SLC14A2: variants seen among roughly 807,000 people sequenced by gnomAD.
SLC14A2 encodes the protein solute carrier family 14 member 2.
Under a neutral mutation model 104.6 loss-of-function variants are expected in SLC14A2, and 91 were observed. The ratio of observed to expected loss-of-function variants is 0.87; its 90% confidence interval spans 0.73 to 1.04. The LOEUF is 1.04. SLC14A2 is among the 50% of genes least tolerant of loss of function. The pLI, the probability that SLC14A2 is intolerant of heterozygous loss-of-function variation, is 0.00. For missense variants in SLC14A2, 1,189 were observed against 1,156.0 expected, an observed-to-expected ratio of 1.03 and a Z score of -0.41; for synonymous variants, 476 against 466.4, an observed-to-expected ratio of 1.02 and a Z score of -0.27.
chr18:45,632,422 G>A lies in SLC14A2; in HGVS notation c.594G>A (p.Glu198=), dbSNP rs143328575. The change falls in exon 5 of 20, where the codon GAG becomes GAA. Residue 198 remains glutamate (E), a synonymous_variant. Transcript: ENST00000255226. Reference sequence around the variant, plus strand: ...GACTGCTGATGGCCGTGTTCTCGGAGAAGTTAGACTACTACTGGTGGCTTC... The same window carrying A: ...GACTGCTGATGGCCGTGTTCTCGGAAAAGTTAGACTACTACTGGTGGCTTC... The part of the protein sequence containing the change: ...LVGLLMAVFS[E]KLDYYWWLLF... 19 of 1,614,004 alleles carry A rather than the reference G, an allele frequency of 1.2e-5. No individual in the cohort carries two copies. Among genetic ancestry groups the A allele is most frequent in the Non-Finnish European group, 1.6e-5 (19 of 1,180,014 alleles).
chr18:45,236,266 CATGT>C, intron 1 of SLC14A2, among the ~76,000 whole-genome samples: 1 of 26,530 alleles, frequency 3.8e-5, no homozygotes, highest in East Asian at 9.2e-4. Flanking sequence ...TGTATATATA[CATGT>C]ATGTGTGTAT....
chr18:45,671,011 G>T (rs2046124426), intron 16 of SLC14A2, among the ~76,000 whole-genome samples: 2 of 152,220 alleles, frequency 1.3e-5, no homozygotes, highest in Middle Eastern at 3.4e-3. Context: ...TGTGTGTGAG[G>T]ACCTTCTTGG....
chr18:45,227,454 G>A (rs34336294), intron 1 of SLC14A2, among the ~76,000 whole-genome samples: 183 of 152,318 alleles, frequency 1.2e-3, no homozygotes, highest in Admixed American at 1.8e-3. Flanking sequence ...CAAGATCAAG[G>A]CACCAGCATT....
At chr18:45,295,366 C>T (rs2084909194) in intron 1 of SLC14A2, among the ~76,000 whole-genome samples, 1 of 151,864 alleles carries the variant, frequency 6.6e-6, no homozygotes, top group Non-Finnish European at 1.5e-5. Context: ...TCCTCTAAGT[C>T]CCTGGACCCT....
intron 1 of SLC14A2, among the ~76,000 whole-genome samples, chr18:45,336,438 G>C (rs1056469348): frequency 6.6e-6 from 1 of 151,926 alleles, no homozygotes; most frequent in Non-Finnish European, 1.5e-5. Context: ...AGGTGATCTC[G>C]GAGGGCCCTT....
intron 10 of SLC14A2, 51 bp downstream of exon 10, chr18:45,644,211 T>TCTCC: frequency 6.4e-7 from 1 of 1,574,532 alleles, no homozygotes; most frequent in Non-Finnish European, 8.7e-7. Context: ...CCTGATGTCC[T>TCTCC]CTCCCTGTGT....
intron 1 of SLC14A2, among the ~76,000 whole-genome samples, chr18:45,462,887 T>C (rs886634610): frequency 1.3e-5 from 2 of 152,246 alleles, no homozygotes; most frequent in African/African-American, 2.4e-5. Flanking sequence ...AAACTGCTTG[T>C]CACCTGCTAA....
Position 45,682,664 on chromosome 18 carries a change from T to C in SLC14A2, c.*145T>C. The C allele has an allele frequency of 3.0e-6, 2 of 662,936 alleles. No individual in the cohort carries two copies. Among genetic ancestry groups the C allele is most frequent in the African/African-American group, 3.6e-5 (2 of 55,464 alleles). The allele number at this position is 662,936 out of a possible 1,614,324, so 41.1% of individuals were successfully genotyped here. On this transcript the variant is annotated 3_prime_UTR_variant, in exon 20 of 20. Transcript: ENST00000255226. The stretch of plus-strand genomic sequence containing the variant: ...AAAGAAGCGTGTATGTAGTCACCAT[T>C]CCAGAACCTCTCTTTTCTAAGATGC...
At chr18:45,511,630 C>G (rs1368744849) in intron 2 of SLC14A2, among the ~76,000 whole-genome samples, 1 of 152,120 alleles carries the variant, frequency 6.6e-6, no homozygotes, top group Admixed American at 6.6e-5. Context: ...AGTGCCATAA[C>G]CAGGAAAAGC....
At chr18:45,358,855 G>A (rs2085581903) in intron 1 of SLC14A2, among the ~76,000 whole-genome samples, 1 of 152,102 alleles carries the variant, frequency 6.6e-6, no homozygotes, top group Non-Finnish European at 1.5e-5. Flanking sequence ...TGGGATTACA[G>A]GCATGAGACA....
chr18:45,346,582 T>A (rs1339743972), intron 1 of SLC14A2, among the ~76,000 whole-genome samples: 4 of 152,224 alleles, frequency 2.6e-5, no homozygotes, highest in African/African-American at 9.6e-5. Context: ...TTTAGTGGCA[T>A]CTTCTGATAA....
At chr18:45,577,026 T>C (rs1169732574) in intron 2 of SLC14A2, among the ~76,000 whole-genome samples, 1 of 152,106 alleles carries the variant, frequency 6.6e-6, no homozygotes, top group Non-Finnish European at 1.5e-5. Context: ...GTACAGGGCC[T>C]TGGGGTGATT....
At chr18:45,209,418 T>C (rs1227329405), upstream of SLC14A2, among the ~76,000 whole-genome samples, 1 of 152,072 alleles carries the variant, frequency 6.6e-6, no homozygotes, top group Non-Finnish European at 1.5e-5. Flanking sequence ...TAAAATCAGG[T>C]TTTAAAAATT....
At chr18:45,199,757 C>A in the SLC14A2 span, among the ~76,000 whole-genome samples, 1 of 152,164 alleles carries the variant, frequency 6.6e-6, no homozygotes, top group Non-Finnish European at 1.5e-5. Context: ...ATATTAGCAG[C>A]TAAGCTGAAG....
chr18:45,369,656 A>G (rs113541144), intron 1 of SLC14A2, among the ~76,000 whole-genome samples: 3 of 152,322 alleles, frequency 2.0e-5, no homozygotes, highest in African/African-American at 4.8e-5. Context: ...AGAAAGGTGT[A>G]TTTGCTCATG....
chr18:45,314,586 C>T (rs2085110217), intron 1 of SLC14A2, among the ~76,000 whole-genome samples: 1 of 152,158 alleles, frequency 6.6e-6, no homozygotes, highest in Non-Finnish European at 1.5e-5. Flanking sequence ...AGGTCCTCTC[C>T]TCTCTCCACT....
At chr18:45,187,193 C>T in the SLC14A2 span, among the ~76,000 whole-genome samples, 9 of 152,056 alleles carry the variant, frequency 5.9e-5, no homozygotes, top group South Asian at 2.1e-4. Flanking sequence ...CACAAAAAGC[C>T]TAAGCAATGA....
chr18:45,296,812 TTCCCA>T (rs113601326), intron 1 of SLC14A2, among the ~76,000 whole-genome samples: 1 of 114,172 alleles, frequency 8.8e-6, no homozygotes, highest in Non-Finnish European at 1.8e-5. Context: ...GAATGTATTT[TTCCCA>T]GGGTAGCCGT....
At chr18:45,629,731 T>C (rs1485376163) in intron 4 of SLC14A2, among the ~76,000 whole-genome samples, 1 of 152,174 alleles carries the variant, frequency 6.6e-6, no homozygotes, top group Non-Finnish European at 1.5e-5. Flanking sequence ...CTTCACAGAC[T>C]GCAGTTTTAC....
Sources: allele counts gnomAD v4.1 joint callset (sites outside exome capture counted in the v4.1 genomes callset), GRCh38; gene constraint gnomAD v4.1.1; transcripts MANE v1.5; gene names NCBI Gene and HGNC (gene_info 2026-07-23, HGNC 2026-07-21).